Variants in RABGAP1L observed in about 807,000 individuals in gnomAD.
The protein encoded by RABGAP1L is rab GTPase-activating protein 1-like.
In RABGAP1L, 63 loss-of-function variants were observed where a neutral mutation model predicts 137.7. The observed-to-expected ratio is 0.46, with a 90% CI of 0.37 to 0.56. RABGAP1L has a LOEUF of 0.56. RABGAP1L is among the 20% of genes least tolerant of loss of function. The probability of loss-of-function intolerance (pLI) is 0.00; values close to 1 mark genes in which losing one functional copy is unlikely to be tolerated. For synonymous variants in RABGAP1L, 431 were observed against 433.7 expected, an observed-to-expected ratio of 0.99 and a Z score of 0.08; for missense variants, 1,095 against 1,244.0, an observed-to-expected ratio of 0.88 and a Z score of 1.80.
intron 13 of RABGAP1L, among the ~76,000 whole-genome samples, chr1:174,518,123 A>G (rs570017830): frequency 1.5e-3 from 236 of 152,302 alleles, no homozygotes; most frequent in Middle Eastern, 0.01. Flanking sequence ...AAAACCAGAA[A>G]ACAATGCCAG....
intron 18 of RABGAP1L, among the ~76,000 whole-genome samples, chr1:174,791,188 C>G (rs1573212941): frequency 7.1e-6 from 1 of 141,828 alleles, no homozygotes; most frequent in South Asian, 2.3e-4. Context: ...GAGACTCCAT[C>G]TCAAAAAAAA....
chr1:174,485,991 A>G (rs1292220997), intron 13 of RABGAP1L, among the ~76,000 whole-genome samples: 4 of 152,082 alleles, frequency 2.6e-5, no homozygotes, highest in Non-Finnish European at 4.4e-5. Flanking sequence ...GCTGGGAAAC[A>G]TTACAGCTTT....
intron 13 of RABGAP1L, among the ~76,000 whole-genome samples, chr1:174,578,399 T>C (rs1245498039): frequency 1.3e-5 from 2 of 152,152 alleles, no homozygotes; most frequent in Non-Finnish European, 2.9e-5. Flanking sequence ...TTGCCCTGGC[T>C]GGTTTCAAAA....
intron 13 of RABGAP1L, among the ~76,000 whole-genome samples, chr1:174,542,925 G>A (rs975752612): frequency 6.6e-6 from 1 of 152,170 alleles, no homozygotes; most frequent in Non-Finnish European, 1.5e-5. Context: ...TCTTAATCCT[G>A]AGTTCTAGTT....
intron 13 of RABGAP1L, among the ~76,000 whole-genome samples, chr1:174,585,620 A>G (rs1669057771): frequency 6.6e-6 from 1 of 152,186 alleles, no homozygotes; most frequent in Non-Finnish European, 1.5e-5. Context: ...TGAAATATCA[A>G]ATTCTTCCAA....
At chr1:174,793,559 G>A (rs954855872) in intron 18 of RABGAP1L, among the ~76,000 whole-genome samples, 3 of 152,180 alleles carry the variant, frequency 2.0e-5, no homozygotes, top group Non-Finnish European at 4.4e-5. Flanking sequence ...TCATTTCCCT[G>A]TGATACAACT....
chr1:174,950,221 G>A (rs1667505405), intron 19 of RABGAP1L, among the ~76,000 whole-genome samples: 1 of 152,202 alleles, frequency 6.6e-6, no homozygotes, highest in African/African-American at 2.4e-5. Flanking sequence ...AGTTGCAAGA[G>A]AGAAGTATGT....
chr1:174,898,958 T>C (rs1285949610), intron 19 of RABGAP1L, among the ~76,000 whole-genome samples: 1 of 152,128 alleles, frequency 6.6e-6, no homozygotes, highest in Admixed American at 6.5e-5. Context: ...TAAAGAGAGG[T>C]AGTGCTAAAT....
intron 17 of RABGAP1L, among the ~76,000 whole-genome samples, chr1:174,744,377 A>G (rs1683703705): frequency 6.6e-6 from 1 of 152,180 alleles, no homozygotes; most frequent in African/African-American, 2.4e-5. Flanking sequence ...ATTATCTGTC[A>G]CTTTCACTAC....
chr1:174,393,148 G>T (rs572068561), intron 12 of RABGAP1L, among the ~76,000 whole-genome samples: 2 of 152,168 alleles, frequency 1.3e-5, no homozygotes, highest in Non-Finnish European at 2.9e-5. Flanking sequence ...TTGGGATGTG[G>T]TAAAGCCTGA....
At chr1:174,834,920 C>G (rs1229258987) in intron 19 of RABGAP1L, among the ~76,000 whole-genome samples, 1 of 151,978 alleles carries the variant, frequency 6.6e-6, no homozygotes, top group Admixed American at 6.6e-5. Context: ...CCTTGAAGGC[C>G]TTGGTTAAGA....
In RABGAP1L at chr1:174,588,253, T is replaced by C. The variant is rs144934004; in HGVS notation, c.1711-49122T>C. ...ATCTTGGCTCACTGCAGCCTCCGCC[T>C]CTGGGGTTCAAGTAATTCTCCTGCC... On this transcript the variant is annotated intron_variant, in intron 13 of 25. Coordinates refer to ENST00000681986, the MANE Select transcript of RABGAP1L (RefSeq NM_001366446.1). Among the ~76,000 whole-genome samples, 717 of 152,096 alleles carry C rather than the reference T, an allele frequency of 4.7e-3. 5 individuals are homozygous for C. The highest frequency in any genetic ancestry group is 0.014 in the African/African-American group (595 of 41,484).
intron 19 of RABGAP1L, among the ~76,000 whole-genome samples, chr1:174,885,459 GTGATCCTCTC>G (rs1450997325): frequency 6.6e-6 from 1 of 152,154 alleles, no homozygotes; most frequent in East Asian, 1.9e-4. Context: ...CTAGGATCAG[GTGATCCTCTC>G]TCCTTAGCCT....
intron 13 of RABGAP1L, among the ~76,000 whole-genome samples, chr1:174,535,163 A>G (rs1319925868): frequency 1.3e-5 from 2 of 152,178 alleles, no homozygotes; most frequent in Non-Finnish European, 2.9e-5. Context: ...TTTTAGGTAT[A>G]GCTGTAAAAT....
chr1:174,355,897 C>T (rs1157500666), intron 11 of RABGAP1L, among the ~76,000 whole-genome samples: 1 of 152,100 alleles, frequency 6.6e-6, no homozygotes, highest in African/African-American at 2.4e-5. Context: ...AATCACCCTG[C>T]TTTTGACAGT....
chr1:174,371,835 C>A lies in RABGAP1L; in HGVS notation c.1559+763C>A, dbSNP rs188611532. On this transcript the variant is annotated intron_variant, in intron 12 of 25. Coordinates refer to ENST00000681986, the MANE Select transcript of RABGAP1L (RefSeq NM_001366446.1). ...TCAGTAGAAGAAAGAATAATTTAAA[C>A]CTCTTTTATCCTTTCAAGAGAAAAG... Among the ~76,000 whole-genome samples, 3 of 152,262 alleles carry A rather than the reference C, an allele frequency of 2.0e-5. 1 individual carries two copies. The highest frequency in any genetic ancestry group is 2.0e-4 in the Admixed American group (3 of 15,292).
intron 14 of RABGAP1L, among the ~76,000 whole-genome samples, chr1:174,660,414 C>T (rs1001658629): frequency 5.9e-5 from 9 of 152,176 alleles, no homozygotes; most frequent in African/African-American, 2.2e-4. Context: ...TTCCCTTGCC[C>T]AGCACCACAC....
At chr1:174,898,294 G>T (rs1413174658) in intron 19 of RABGAP1L, among the ~76,000 whole-genome samples, 1 of 152,240 alleles carries the variant, frequency 6.6e-6, no homozygotes, top group Non-Finnish European at 1.5e-5. Context: ...AGGTCACAGT[G>T]CTGGAAAATG....
chr1:174,700,924 G>A, intron 16 of RABGAP1L: 1 of 436,896 alleles, frequency 2.3e-6, no homozygotes. Context: ...TAACAGATGT[G>A]TGGTACTATG....
Sources: allele counts gnomAD v4.1 joint callset (sites outside exome capture counted in the v4.1 genomes callset), GRCh38; gene constraint gnomAD v4.1.1; transcripts MANE v1.5; gene names NCBI Gene and HGNC (gene_info 2026-07-23, HGNC 2026-07-21).